ATXN8OS: variants seen among roughly 807,000 people sequenced by gnomAD.
ATXN8OS encodes ATXN8 opposite strand lncRNA, also known as ATXN8 opposite strand (non-protein coding).
intron 3 of ATXN8OS, among the ~76,000 whole-genome samples, chr13:70,143,668 T>G (rs997947960): frequency 7.9e-5 from 12 of 152,168 alleles, no homozygotes; most frequent in Non-Finnish European, 1.8e-4. Flanking sequence ...TTTTATATTT[T>G]CTGCACATAA....
intron 3 of ATXN8OS, among the ~76,000 whole-genome samples, chr13:70,145,649 G>A (rs1888773713): frequency 6.6e-6 from 1 of 152,036 alleles, no homozygotes; most frequent in Non-Finnish European, 1.5e-5. Flanking sequence ...TTGGCTCTCT[G>A]TTTGTCTGTT....
At chr13:70,111,186 G>T (rs1888194751) in intron 1 of ATXN8OS, among the ~76,000 whole-genome samples, 1 of 152,066 alleles carries the variant, frequency 6.6e-6, no homozygotes, top group Admixed American at 6.6e-5. Flanking sequence ...GTCAAGCATG[G>T]GTGTAAAATG....
intron 3 of ATXN8OS, among the ~76,000 whole-genome samples, chr13:70,142,783 T>C (rs1329928449): frequency 6.6e-6 from 1 of 152,118 alleles, no homozygotes; most frequent in African/African-American, 2.4e-5. Flanking sequence ...CAATGTAAAT[T>C]CATAAATGCG....
intron 3 of ATXN8OS, among the ~76,000 whole-genome samples, chr13:70,136,917 T>A (rs1238067066): frequency 6.6e-6 from 1 of 152,178 alleles, no homozygotes; most frequent in East Asian, 1.9e-4. Flanking sequence ...AATAGAAGCG[T>A]GTTCCACATC....
chr13:70,128,040 T>C (rs879668931), intron 2 of ATXN8OS, among the ~76,000 whole-genome samples: 2 of 151,934 alleles, frequency 1.3e-5, no homozygotes, highest in Admixed American at 1.3e-4. Flanking sequence ...TTATATATAA[T>C]TCATATAATT....
At chr13:70,108,229 C>T (rs1888126381) in intron 1 of ATXN8OS, 4 of 391,396 alleles carry the variant, frequency 1.0e-5, no homozygotes, top group Admixed American at 4.5e-5. Context: ...AGGAAGCGTA[C>T]CCCTCGCCAG....
intron 3 of ATXN8OS, among the ~76,000 whole-genome samples, chr13:70,135,546 T>C (rs1028524097): frequency 6.6e-6 from 1 of 152,156 alleles, no homozygotes; most frequent in Non-Finnish European, 1.5e-5. Flanking sequence ...TATCACCTTC[T>C]TCCTTGAGTA....
chr13:70,109,603 A>C (rs1031406295), intron 1 of ATXN8OS, among the ~76,000 whole-genome samples: 1 of 152,202 alleles, frequency 6.6e-6, no homozygotes, highest in African/African-American at 2.4e-5. Flanking sequence ...AAAAATCACT[A>C]TAGTGCTTTT....
intron 4 of ATXN8OS, among the ~76,000 whole-genome samples, chr13:70,167,804 C>T (rs1369834348): frequency 4.6e-5 from 6 of 130,062 alleles, no homozygotes; most frequent in African/African-American, 1.2e-4. Flanking sequence ...GGCGCGATCT[C>T]GGCTCACTGC....
At chr13:70,119,319 C>G (rs1280403539) in intron 2 of ATXN8OS, among the ~76,000 whole-genome samples, 1 of 152,008 alleles carries the variant, frequency 6.6e-6, no homozygotes, top group African/African-American at 2.4e-5. Context: ...ATTTTTTTAA[C>G]AAGAGAGAAT....
At chr13:70,135,502 G>A (rs950333357) in intron 3 of ATXN8OS, among the ~76,000 whole-genome samples, 4 of 151,702 alleles carry the variant, frequency 2.6e-5, no homozygotes, top group Non-Finnish European at 5.9e-5. Flanking sequence ...CTTGGCCATC[G>A]TAATTGTGGT....
chr13:70,156,172 C>T (rs912216065), intron 4 of ATXN8OS, among the ~76,000 whole-genome samples: 1 of 151,870 alleles, frequency 6.6e-6, no homozygotes, highest in Admixed American at 6.6e-5. Flanking sequence ...ATAACTGGCA[C>T]TTCTTTCTTA....
intron 3 of ATXN8OS, among the ~76,000 whole-genome samples, chr13:70,146,206 A>T (rs1377991928): frequency 4.0e-5 from 6 of 150,322 alleles, no homozygotes; most frequent in Admixed American, 6.6e-5. Context: ...AATCAAAACC[A>T]CAATGAGATA....
intron 2 of ATXN8OS, among the ~76,000 whole-genome samples, chr13:70,122,656 A>G (rs9317880): frequency 0.16 from 24,257 of 151,956 alleles, 2,503 homozygotes; most frequent in African/African-American, 0.29. Context: ...TTATGAAACT[A>G]TGGTATGTAT....
chr13:70,108,036 G>T, intron 1 of ATXN8OS: 1 of 429,554 alleles, frequency 2.3e-6, no homozygotes. Flanking sequence ...CAACCCTTAG[G>T]CTGGAGATGC....
At chr13:70,138,934 C>A (rs2137489722) in intron 3 of ATXN8OS, among the ~76,000 whole-genome samples, 1 of 152,104 alleles carries the variant, frequency 6.6e-6, no homozygotes, top group East Asian at 1.9e-4. Context: ...TAAGATCTGC[C>A]ACCCTACCAG....
intron 4 of ATXN8OS, among the ~76,000 whole-genome samples, chr13:70,160,791 TATAA>T (rs1401226214): frequency 1.2e-4 from 2 of 16,162 alleles, no homozygotes. Flanking sequence ...AATATTTATT[TATAA>T]ATATATTTAT....
chr13:70,107,870 A>AG (rs1888114398), exon 1 of ATXN8OS: 1 of 566,488 alleles, frequency 1.8e-6, no homozygotes, highest in Admixed American at 3.7e-5. Flanking sequence ...CGAAGGCTGG[A>AG]GCGCAGACGG....
intron 2 of ATXN8OS, among the ~76,000 whole-genome samples, chr13:70,125,204 A>C (rs965207990): frequency 3.3e-5 from 5 of 152,216 alleles, no homozygotes; most frequent in African/African-American, 1.2e-4. Flanking sequence ...TATAAACTAT[A>C]TGCAAAATAC....
Sources: allele counts gnomAD v4.1 joint callset (sites outside exome capture counted in the v4.1 genomes callset), GRCh38; gene constraint gnomAD v4.1.1; transcripts MANE v1.5; gene names NCBI Gene and HGNC (gene_info 2026-07-23, HGNC 2026-07-21).